The following KLC1 variants were observed in gnomAD, a reference collection of about 807,000 sequenced individuals.
KLC1 encodes kinesin light chain 1.
A neutral mutation model predicts 84.2 loss-of-function variants in KLC1; 30 were observed. That is an observed-to-expected ratio of 0.36 (90% CI 0.27 to 0.48). The LOEUF is 0.48. Among genes scored for constraint, KLC1 ranks in the 20% least tolerant of loss-of-function variants. The probability of loss-of-function intolerance (pLI) is 0.99; values close to 1 mark genes in which losing one functional copy is unlikely to be tolerated. For synonymous variants in KLC1, 289 were observed against 293.3 expected, an observed-to-expected ratio of 0.99 and a Z score of 0.15; for missense variants, 499 against 805.4, an observed-to-expected ratio of 0.62 and a Z score of 4.60.
chr14:103,637,218 A>G (rs2077113406), intron 1 of KLC1, among the ~76,000 whole-genome samples: 1 of 151,892 alleles, frequency 6.6e-6, no homozygotes. Flanking sequence ...TTTCTTAACC[A>G]TGCTCTGGCA....
At chr14:103,696,484 A>T (rs543663034) in intron 15 of KLC1, 14 of 985,194 alleles carry the variant, frequency 1.4e-5, no homozygotes, top group South Asian at 9.4e-5. Context: ...GTTACAATGT[A>T]TAACAGGTTT....
intron 1 of KLC1, among the ~76,000 whole-genome samples, chr14:103,631,751 C>T (rs1218015690): frequency 6.6e-6 from 1 of 152,012 alleles, no homozygotes; most frequent in Non-Finnish European, 1.5e-5. Context: ...GTGCCCACTA[C>T]CACACCAGGC....
At chr14:103,655,830 T>C (rs1006504280) in intron 2 of KLC1, among the ~76,000 whole-genome samples, 1 of 152,216 alleles carries the variant, frequency 6.6e-6, no homozygotes, top group African/African-American at 2.4e-5. Context: ...CTTGAACTCC[T>C]GACCTCAGGG....
Position 103,673,017 on chromosome 14 carries a change from T to C in KLC1, c.991T>C (p.Leu331=). The C allele has an allele frequency of 6.2e-7, 1 of 1,614,026 alleles. No individual in the cohort carries two copies. Among genetic ancestry groups the C allele is most frequent in the Non-Finnish European group, 8.5e-7 (1 of 1,179,988 alleles). ...KRALEIREKV[L]GKDHPDVAKQ... is the part of the protein sequence containing the mutation. ...ATATGCTGTTTTTTATTTTCAGGTT[T>C]TGGGGAAGGATCACCCCGATGTTGC... The change falls in exon 8 of 17, where the codon TTG becomes CTG. Residue 331 remains leucine, a synonymous_variant. Transcript: ENST00000334553.
At chr14:103,630,576 G>A (rs1023064453) in intron 1 of KLC1, among the ~76,000 whole-genome samples, 9 of 152,102 alleles carry the variant, frequency 5.9e-5, no homozygotes, top group African/African-American at 9.7e-5. Flanking sequence ...ATCAGAATCA[G>A]CTCGGAATAC....
At chr14:103,650,151 A>G (rs1567014462) in intron 1 of KLC1, among the ~76,000 whole-genome samples, 1 of 152,046 alleles carries the variant, frequency 6.6e-6, no homozygotes, top group Non-Finnish European at 1.5e-5. Flanking sequence ...AAAAAAGTTC[A>G]TAGTTAGAAT....
At chr14:103,666,089 G>A (rs543166529) in intron 5 of KLC1, among the ~76,000 whole-genome samples, 4 of 151,222 alleles carry the variant, frequency 2.6e-5, no homozygotes, top group African/African-American at 4.9e-5. Context: ...TTTTTGAGAC[G>A]GAGTCTCGCT....
At chr14:103,659,360 C>T (rs1309524349) in intron 3 of KLC1, among the ~76,000 whole-genome samples, 1 of 151,886 alleles carries the variant, frequency 6.6e-6, no homozygotes, top group African/African-American at 2.4e-5. Flanking sequence ...TCTCAAGTTT[C>T]CAATGGAATA....
In KLC1 at chr14:103,696,042, G is replaced by A. The variant is rs1177556491; in HGVS notation, c.1848+3617G>A. On this transcript the variant is annotated intron_variant, in intron 15 of 16. Transcript: ENST00000334553. ...GTCGTTCTGGTGAGAGGAACCCCAC[G>A]CGAGAGTCAGCACCTGTTTCTTCAG... 6 of 984,752 alleles carry A rather than the reference G, an allele frequency of 6.1e-6. No individual in the cohort carries two copies. In the Admixed American group the frequency reaches 2.5e-4, roughly 40 times the overall value. 61.0% of individuals were successfully genotyped at this position (984,752 alleles called of 1,614,324 possible).
intron 15 of KLC1, chr14:103,697,081 G>A (rs1264887648): frequency 5.1e-6 from 5 of 985,460 alleles, no homozygotes; most frequent in Non-Finnish European, 4.8e-6. Context: ...TCGCTGGCAT[G>A]TCTTGCCTAG....
At chr14:103,680,226 A>G (rs1222994780) in intron 13 of KLC1, among the ~76,000 whole-genome samples, 1 of 150,806 alleles carries the variant, frequency 6.6e-6, no homozygotes, top group Non-Finnish European at 1.5e-5. Flanking sequence ...GCCAAAGACC[A>G]TGTGGCCTTC....
intron 15 of KLC1, chr14:103,700,266 A>G (rs778053905): frequency 8.7e-5 from 19 of 218,806 alleles, no homozygotes; most frequent in Non-Finnish European, 1.5e-4. Context: ...CAAGGGGTGG[A>G]AACAGCCCTG....
intron 1 of KLC1, among the ~76,000 whole-genome samples, chr14:103,640,163 C>G (rs1344651346): frequency 6.6e-6 from 1 of 152,110 alleles, no homozygotes; most frequent in Non-Finnish European, 1.5e-5. Flanking sequence ...CAGGTTCATG[C>G]GATTCTACTG....
Position 103,699,656 on chromosome 14 carries a change from C to G in KLC1, c.1849-999C>G. ...ACCAGACCCCGTTTGGACTGTCACT[C>G]GACCGTCTGAAAACCTTCCTACCCA... On this transcript the variant is annotated intron_variant, in intron 15 of 16. Coordinates refer to ENST00000334553, the MANE Select transcript of KLC1 (RefSeq NM_001394837.1). 4 of 1,462,014 alleles carry G rather than the reference C, an allele frequency of 2.7e-6. 1 individual carries two copies. The highest frequency in any genetic ancestry group is 2.3e-5 in the South Asian group (2 of 86,494). 90.6% of individuals were successfully genotyped at this position (1,462,014 alleles called of 1,614,324 possible). A position where few individuals can be genotyped will look rare whatever the true frequency, so the allele number is the denominator to read the frequency against.
At chr14:103,699,232 T>G (rs1595623999) in intron 15 of KLC1, 3 of 1,542,546 alleles carry the variant, frequency 1.9e-6, no homozygotes, top group Non-Finnish European at 2.6e-6. Context: ...TTCTCGATGG[T>G]TAGGCACAGG....
At chr14:103,658,095 C>T (rs1595385695) in intron 3 of KLC1, among the ~76,000 whole-genome samples, 1 of 152,180 alleles carries the variant, frequency 6.6e-6, no homozygotes, top group African/African-American at 2.4e-5. Context: ...CTCTGGGCAA[C>T]CTCTCTGCCC....
intron 1 of KLC1, among the ~76,000 whole-genome samples, chr14:103,635,334 G>GT (rs2076968080): frequency 6.6e-6 from 1 of 152,150 alleles, no homozygotes; most frequent in Admixed American, 6.6e-5. Flanking sequence ...GAGAAAATAG[G>GT]TACTGTAAAC....
At chr14:103,651,129 C>T (rs552009523) in intron 1 of KLC1, among the ~76,000 whole-genome samples, 97 of 152,188 alleles carry the variant, frequency 6.4e-4, no homozygotes, top group Non-Finnish European at 2.1e-4. Context: ...CCTGCCTCAG[C>T]CTCCATAATA....
At chr14:103,695,013 C>T (rs577502018) in intron 15 of KLC1, 102 of 985,350 alleles carry the variant, frequency 1.0e-4, no homozygotes, top group Admixed American at 8.0e-4. Context: ...CGCCTGTGGC[C>T]GTGGCTCCTT....
Sources: gnomAD v4.1 joint callset for allele counts (sites outside exome capture counted in the v4.1 genomes callset) on GRCh38, gnomAD v4.1.1 for gene constraint, MANE v1.5 for transcripts, NCBI Gene and HGNC (gene_info 2026-07-23, HGNC 2026-07-21) for gene names.